QNG1: variants seen among roughly 807,000 people sequenced by gnomAD.
The protein encoded by QNG1 is queuosine 5'-phosphate N-glycosylase/hydrolase.
At chr9:83,939,808 C>T in the QNG1 span, 2 of 1,068,360 alleles carry the variant, frequency 1.9e-6, no homozygotes, top group South Asian at 1.3e-5. Context: ...TTGAACTTTC[C>T]TGTAGAACAA....
At chr9:83,952,035 G>A in the QNG1 span, among the ~76,000 whole-genome samples, 16 of 152,174 alleles carry the variant, frequency 1.1e-4, no homozygotes, top group African/African-American at 3.9e-4. Flanking sequence ...CTTCCAGGCT[G>A]GAGTAAAGTG....
At chr9:83,956,846 G>A in the QNG1 span, 5 of 236,680 alleles carry the variant, frequency 2.1e-5, no homozygotes, top group Admixed American at 2.5e-4. Context: ...CCGGCCGTGA[G>A]TTGCCCACCC....
the QNG1 span, among the ~76,000 whole-genome samples, chr9:83,951,193 T>C: frequency 1.3e-5 from 2 of 152,058 alleles, no homozygotes; most frequent in African/African-American, 2.4e-5. Context: ...TCGCTTCAAC[T>C]TGGGAGGCGG....
At chr9:83,956,562 T>G in the QNG1 span, 1 of 1,401,932 alleles carries the variant, frequency 7.1e-7, no homozygotes, top group Non-Finnish European at 9.6e-7. Context: ...AGGTCCACTC[T>G]GCGCCTTGCG....
the QNG1 span, chr9:83,939,699 C>G: frequency 2.5e-6 from 4 of 1,614,150 alleles, no homozygotes; most frequent in Non-Finnish European, 3.4e-6. Context: ...AGCGAGCACC[C>G]TCTGATTTCC....
the QNG1 span, among the ~76,000 whole-genome samples, chr9:83,940,986 G>A: frequency 6.6e-6 from 1 of 152,230 alleles, no homozygotes; most frequent in Middle Eastern, 3.4e-3. Flanking sequence ...CTTCAGTTTT[G>A]CTGTTAATCA....
At chr9:83,956,959 C>CCCCACCCCGCT in the QNG1 span, 1 of 155,004 alleles carries the variant, frequency 6.5e-6, no homozygotes. Flanking sequence ...GTCGCGATGC[C>CCCCACCCCGCT]CCCACCCCGC....
At chr9:83,956,303 G>A in the QNG1 span, 1 of 1,614,114 alleles carries the variant, frequency 6.2e-7, no homozygotes, top group Non-Finnish European at 8.5e-7. Context: ...CGAACACCCA[G>A]TTGACCGCGG....
the QNG1 span, among the ~76,000 whole-genome samples, chr9:83,948,580 A>G: frequency 3.3e-5 from 5 of 151,444 alleles, no homozygotes; most frequent in African/African-American, 1.2e-4. Context: ...GGCCGCCACC[A>G]CGTCTGGGAG....
the QNG1 span, among the ~76,000 whole-genome samples, chr9:83,943,018 G>A: frequency 6.6e-6 from 1 of 152,162 alleles, no homozygotes; most frequent in African/African-American, 2.4e-5. Flanking sequence ...CAGCATTTGA[G>A]TGAAGCCTCT....
At chr9:83,953,595 C>A in the QNG1 span, 2 of 492,442 alleles carry the variant, frequency 4.1e-6, no homozygotes, top group Non-Finnish European at 3.7e-6. Context: ...ATCTACCCGC[C>A]TTGGCCCCCC....
At chr9:83,946,625 A>C in the QNG1 span, among the ~76,000 whole-genome samples, 1 of 152,206 alleles carries the variant, frequency 6.6e-6, no homozygotes, top group East Asian at 1.9e-4. Flanking sequence ...GGTGGCTTAC[A>C]CTTGTAATCC....
chr9:83,947,820 T>A, the QNG1 span, among the ~76,000 whole-genome samples: 6 of 152,212 alleles, frequency 3.9e-5, no homozygotes, highest in Non-Finnish European at 8.8e-5. Flanking sequence ...CAGTGCTCAA[T>A]GTTGCCCAGG....
chr9:83,942,176 T>C, the QNG1 span, among the ~76,000 whole-genome samples: 2 of 152,124 alleles, frequency 1.3e-5, no homozygotes, highest in African/African-American at 2.4e-5. Flanking sequence ...TAATTTGTTA[T>C]GTCAGCCCTA....
chr9:83,955,230 T>C, the QNG1 span: 1 of 820,346 alleles, frequency 1.2e-6, no homozygotes, highest in Non-Finnish European at 1.9e-6. Flanking sequence ...ACATAAGAAA[T>C]GACTTTGAAA....
the QNG1 span, chr9:83,955,503 G>T: frequency 9.9e-6 from 16 of 1,614,136 alleles, no homozygotes; most frequent in East Asian, 3.3e-4. Flanking sequence ...TTCTCCAGCA[G>T]AATTTTCCCG....
At chr9:83,952,794 G>GAA in the QNG1 span, among the ~76,000 whole-genome samples, 22 of 83,566 alleles carry the variant, frequency 2.6e-4, 1 homozygote, top group Admixed American at 5.7e-4. Context: ...GACTCCGTCT[G>GAA]AAAAAAAAAA....
the QNG1 span, among the ~76,000 whole-genome samples, chr9:83,943,245 C>T: frequency 7.0e-6 from 1 of 143,114 alleles, no homozygotes; most frequent in Non-Finnish European, 1.5e-5. Flanking sequence ...GAGGCCGAGG[C>T]AGGAGAATGG....
chr9:83,938,994 C>T, the QNG1 span: 2 of 157,592 alleles, frequency 1.3e-5, no homozygotes, highest in African/African-American at 4.8e-5. Flanking sequence ...AGCAATCCTC[C>T]TGCCTTGGCC....
Sources: allele counts gnomAD v4.1 joint callset (sites outside exome capture counted in the v4.1 genomes callset), GRCh38; gene constraint gnomAD v4.1.1; transcripts MANE v1.5; gene names NCBI Gene and HGNC (gene_info 2026-07-23, HGNC 2026-07-21).